Variants in COLGALT1 observed in about 807,000 individuals in gnomAD.
COLGALT1 encodes procollagen galactosyltransferase 1.
COLGALT1 carries 43 observed loss-of-function variants against 60.8 expected under a neutral mutation model. The observed-to-expected ratio is 0.71, with a 90% CI of 0.55 to 0.91. The LOEUF is 0.91. Ranked by LOEUF, COLGALT1 falls within the 40% of genes least tolerant of loss-of-function variation. COLGALT1 has a pLI of 0.00. For missense variants in COLGALT1, 845 were observed against 880.0 expected (o/e 0.96, Z 0.50); for synonymous variants, 369 against 374.2 (o/e 0.99, Z 0.16).
chr19:17,563,425 C>T (rs1447943406), intron 3 of COLGALT1, among the ~76,000 whole-genome samples: 1 of 151,934 alleles, frequency 6.6e-6, no homozygotes, highest in Non-Finnish European at 1.5e-5. Context: ...TCTCAGCTCA[C>T]TGCAAGCTCT....
At chr19:17,559,271 C>T in intron 1 of COLGALT1, 40 bp from the exon 2 acceptor site, 1 of 1,463,238 alleles carries the variant, frequency 6.8e-7, no homozygotes, top group Non-Finnish European at 9.4e-7. Context: ...GGTCCTGCCT[C>T]AGTCTCCCCA....
rs1300310115 is a variant in COLGALT1 at position 17,555,978 on chromosome 19, G to A, written c.260+5G>A. 4.5e-6 allele frequency: 6 copies of A among 1,333,900 alleles called. No homozygotes were observed. In the East Asian group the frequency reaches 9.4e-5, roughly 21 times the overall value. The allele number at this position is 1,333,900 out of a possible 1,614,324, so 82.6% of individuals were successfully genotyped here. ...GCGGGAGCGCACGGCGCTATGGTGAGTCGAGCCCGCTGTCCCCATCAGGCG... is the reference window on the plus strand; with the variant it reads ...GCGGGAGCGCACGGCGCTATGGTGAATCGAGCCCGCTGTCCCCATCAGGCG... On this transcript the variant is annotated splice_donor_5th_base_variant and intron_variant, in intron 1 of 11. Coordinates refer to ENST00000252599, the MANE Select transcript of COLGALT1 (RefSeq NM_024656.4).
At chr19:17,578,637 C>T (rs1389132660) in intron 9 of COLGALT1, among the ~76,000 whole-genome samples, 1 of 152,178 alleles carries the variant, frequency 6.6e-6, no homozygotes, top group Admixed American at 6.6e-5. Flanking sequence ...GTGGCTTGAG[C>T]CCAGGAGTTA....
chr19:17,559,353 G>C lies in COLGALT1; in HGVS notation c.303G>C (p.Leu101=), dbSNP rs372571154. Residue 101 remains leucine, a synonymous_variant, in exon 2 of 12, where the codon CTG becomes CTC. Transcript: ENST00000252599. ...DHNMDNTSTV[L]REWLVAVKSL... is the part of the protein sequence containing the mutation. Reference sequence around the variant, plus strand: ...ACATGGATAACACGTCAACTGTGCTGCGGGAGTGGCTGGTGGCCGTGAAGA... The same window carrying C: ...ACATGGATAACACGTCAACTGTGCTCCGGGAGTGGCTGGTGGCCGTGAAGA... 7.7e-6 allele frequency: 12 copies of C among 1,552,866 alleles called. No homozygotes were observed. Among genetic ancestry groups the C allele is most frequent in the African/African-American group, 5.5e-5 (4 of 73,162 alleles).
intron 3 of COLGALT1, among the ~76,000 whole-genome samples, chr19:17,563,695 T>C (rs913890372): frequency 1.3e-5 from 2 of 152,076 alleles, no homozygotes; most frequent in African/African-American, 4.8e-5. Context: ...TTCACTATGC[T>C]GACCAGGCTG....
intron 9 of COLGALT1, 43 bp from the exon 10 acceptor site, chr19:17,579,439 T>C: frequency 6.2e-7 from 1 of 1,613,804 alleles, no homozygotes; most frequent in East Asian, 2.2e-5. Flanking sequence ...GGGTCAGGCC[T>C]GGCCTTGGCC....
intron 6 of COLGALT1, among the ~76,000 whole-genome samples, chr19:17,573,241 A>T (rs550441433): frequency 6.6e-6 from 1 of 152,022 alleles, no homozygotes; most frequent in South Asian, 2.1e-4. Flanking sequence ...ATTAAAAAAA[A>T]TTTTGGCCGG....
At chr19:17,571,759 A>G (rs1281925816) in intron 5 of COLGALT1, 2 of 152,138 alleles carry the variant, frequency 1.3e-5, no homozygotes, top group Non-Finnish European at 2.9e-5. Context: ...AACCATCCAG[A>G]AAAGGATAGA....
intron 3 of COLGALT1, among the ~76,000 whole-genome samples, chr19:17,563,596 G>A (rs890180718): frequency 1.3e-5 from 2 of 151,988 alleles, no homozygotes; most frequent in Non-Finnish European, 2.9e-5. Flanking sequence ...TGATCCACCC[G>A]GCTTGGCCTC....
intron 3 of COLGALT1, among the ~76,000 whole-genome samples, chr19:17,565,079 T>C (rs1194169454): frequency 6.6e-6 from 1 of 152,202 alleles, no homozygotes; most frequent in African/African-American, 2.4e-5. Context: ...CTTATTCCGT[T>C]GTCTGGGTGG....
intron 3 of COLGALT1, 107 bp downstream of exon 3, chr19:17,560,572 G>T: frequency 1.1e-6 from 1 of 899,962 alleles, no homozygotes. Context: ...TTTTGCAGAA[G>T]GGTAAACTGA....
chr19:17,571,038 G>C (rs1294267479), intron 5 of COLGALT1, among the ~76,000 whole-genome samples: 2 of 152,288 alleles, frequency 1.3e-5, no homozygotes, highest in Non-Finnish European at 2.9e-5. Context: ...GCCACAGGCA[G>C]AACAGAGTCA....
intron 10 of COLGALT1, chr19:17,580,402 C>T: frequency 4.1e-6 from 2 of 490,654 alleles, no homozygotes; most frequent in South Asian, 4.4e-5. Context: ...ACCTCCACCC[C>T]CACTGTCCTC....
intron 5 of COLGALT1, among the ~76,000 whole-genome samples, chr19:17,569,841 A>T (rs2076301423): frequency 6.6e-6 from 1 of 151,792 alleles, no homozygotes; most frequent in Admixed American, 6.6e-5. Flanking sequence ...GTTTACTGGA[A>T]ACCAGAGGTT....
chr19:17,568,573 C>T lies in COLGALT1; in HGVS notation c.689C>T (p.Ala230Val), dbSNP rs1179513837. Residue 230 changes from alanine (A) to valine (V), a missense_variant, in exon 5 of 12, where the codon GCA becomes GTA. Physicochemically the swap from Ala to Val is moderately conservative, Grantham distance 64. Coordinates refer to ENST00000252599, the MANE Select transcript of COLGALT1 (RefSeq NM_024656.4). Reference protein sequence around the residue: ...IRKRDRRGCFAVPMVHSTFLI... With the variant: ...IRKRDRRGCFVVPMVHSTFLI... ...AAGCGAGACCGCCGGGGCTGCTTTG[C>T]AGTTCCCATGGTGCACTCGACCTTC... 2 of 1,614,228 alleles carry T rather than the reference C, an allele frequency of 1.2e-6. No homozygotes were observed. Among genetic ancestry groups the T allele is most frequent in the Admixed American group, 1.7e-5 (1 of 60,002 alleles).
chr19:17,579,818 C>T (rs913869171), intron 10 of COLGALT1: 3 of 624,216 alleles, frequency 4.8e-6, no homozygotes, highest in South Asian at 2.1e-5. Flanking sequence ...ATCCTACGGG[C>T]GTGGCCACAG....
intron 3 of COLGALT1, among the ~76,000 whole-genome samples, chr19:17,564,782 T>C (rs2076270980): frequency 6.6e-6 from 1 of 152,128 alleles, no homozygotes. Flanking sequence ...TTTGTTTTAA[T>C]TGAAGTCAGT....
At chr19:17,577,104 A>T in intron 6 of COLGALT1, 91 bp from the exon 7 acceptor site, 1 of 1,318,798 alleles carries the variant, frequency 7.6e-7, no homozygotes, top group Non-Finnish European at 1.1e-6. Flanking sequence ...AGCCAGTCTG[A>T]CTGGGAGCCA....
At position 17,577,259 on chromosome 19, in the gene COLGALT1, G is replaced by A. The variant is rs1199927154; in HGVS notation, c.1014G>A (p.Met338Ile). Residue 338 changes from methionine to isoleucine, a missense_variant, in exon 7 of 12, where the codon ATG becomes ATA. Met to Ile is a conservative substitution (Grantham distance 10). Coordinates refer to ENST00000252599, the MANE Select transcript of COLGALT1 (RefSeq NM_024656.4). ...ISAPTKTPDK[M>I]GFDEVFMINL... ...CTCCCACCAAGACACCGGACAAGAT[G>A]GGCTTCGACGAGGTGAGCTGGGCCT... 6.2e-7 allele frequency: 1 copy of A among 1,613,128 alleles called. No homozygotes were observed. Among genetic ancestry groups the A allele is most frequent in the African/African-American group, 1.3e-5 (1 of 74,744 alleles).
Sources: allele counts gnomAD v4.1 joint callset (sites outside exome capture counted in the v4.1 genomes callset), GRCh38; gene constraint gnomAD v4.1.1; transcripts MANE v1.5; gene names NCBI Gene and HGNC (gene_info 2026-07-23, HGNC 2026-07-21).